The following CRB1 variants were observed in gnomAD, a reference collection of about 807,000 sequenced individuals.
CRB1 encodes the protein crumbs cell polarity complex component 1, also known as protein crumbs homolog 1.
A neutral mutation model predicts 120.0 loss-of-function variants in CRB1; 83 were observed. The ratio of observed to expected loss-of-function variants is 0.69; its 90% confidence interval spans 0.58 to 0.83. The LOEUF (loss-of-function observed/expected upper bound fraction) is 0.83. Ranked by LOEUF, CRB1 falls within the 40% of genes least tolerant of loss-of-function variation. The probability of loss-of-function intolerance (pLI) is 0.00; values close to 1 mark genes in which losing one functional copy is unlikely to be tolerated. For missense variants in CRB1, 1,699 were observed against 1,687.6 expected, an observed-to-expected ratio of 1.01 and a Z score of -0.12; for synonymous variants, 625 against 612.5, an observed-to-expected ratio of 1.02 and a Z score of -0.30.
At position 197,387,640 on chromosome 1, in the gene CRB1, G is replaced by A. The variant is rs373952234; in HGVS notation, c.1171+30627G>A. ...GAACCTTCAGTTAAAGGAAATGAAT[G>A]ATTATTTTATTTAATTTTATCCATT... is the stretch of plus-strand genomic sequence containing the variant. On this transcript the variant is annotated intron_variant, in intron 5 of 11. Transcript: ENST00000367400. Among the ~76,000 whole-genome samples, 7 of 151,944 alleles carry A rather than the reference G, an allele frequency of 4.6e-5. No homozygotes were observed. The East Asian group carries it at 1.4e-3, about 29-fold the overall frequency.
chr1:197,325,367 A>G (rs1345422930), intron 1 of CRB1, among the ~76,000 whole-genome samples: 2 of 152,240 alleles, frequency 1.3e-5, no homozygotes, highest in Non-Finnish European at 2.9e-5. Flanking sequence ...CATTCTGATT[A>G]CATTTCATTA....
chr1:197,451,113 C>G (rs1489041192), intron 11 of CRB1, among the ~76,000 whole-genome samples: 1 of 152,062 alleles, frequency 6.6e-6, no homozygotes, highest in Non-Finnish European at 1.5e-5. Context: ...GACTCCCATC[C>G]CTGGAAACAT....
chr1:197,290,758 A>G (rs757600734), intron 1 of CRB1, among the ~76,000 whole-genome samples: 3 of 151,800 alleles, frequency 2.0e-5, no homozygotes, highest in Admixed American at 6.6e-5. Context: ...AAGTTTATGT[A>G]CATTTGCCCT....
At chr1:197,227,813 C>T in the CRB1 span, among the ~76,000 whole-genome samples, 5 of 152,186 alleles carry the variant, frequency 3.3e-5, no homozygotes, top group Admixed American at 3.3e-4. Context: ...TCCATGAGGG[C>T]CCCGCTCCTG....
At chr1:197,232,294 T>G in the CRB1 span, among the ~76,000 whole-genome samples, 5 of 152,230 alleles carry the variant, frequency 3.3e-5, no homozygotes, top group Non-Finnish European at 5.9e-5. Context: ...TTTAGGCTAC[T>G]GTGTGTGGTA....
In CRB1 at chr1:197,278,262, A is replaced by G. The variant is rs542719819; in HGVS notation, c.70+9780A>G. 1.6e-4 allele frequency among the ~76,000 whole-genome samples: 25 copies of G among 151,994 alleles called. No homozygotes were observed. In the South Asian group the frequency reaches 5.0e-3, roughly 30 times the overall value. Reference sequence around the variant, plus strand: ...CTCCAAGAAATTCCTTACTCCTTCCACCATGTGAGGACATATGGAGAAGAT... The same window carrying G: ...CTCCAAGAAATTCCTTACTCCTTCCGCCATGTGAGGACATATGGAGAAGAT... On this transcript the variant is annotated intron_variant, in intron 1 of 11. Transcript: ENST00000367400.
rs759022743 is a variant in CRB1 at position 197,435,500 on chromosome 1, G to C, written c.3637G>C (p.Val1213Leu). ...EPGYTGVNCE[V>L]DIDNCQSHQC... ...TGGATACACTGGTGTGAACTGTGAAGTGGATATAGACAACTGCCAGAGTCA... is the reference window on the plus strand; with the variant it reads ...TGGATACACTGGTGTGAACTGTGAACTGGATATAGACAACTGCCAGAGTCA... Residue 1213 changes from valine to leucine, a missense_variant, in exon 9 of 12, where the codon GTG (valine) becomes CTG (leucine). Physicochemically the swap from Val to Leu is conservative, Grantham distance 32. Coordinates refer to ENST00000367400, the MANE Select transcript of CRB1 (RefSeq NM_201253.3). 14 of 1,609,860 alleles carry C rather than the reference G, an allele frequency of 8.7e-6. No individual in the cohort carries two copies. The highest frequency in any genetic ancestry group is 1.2e-5 in the Non-Finnish European group (14 of 1,178,060).
intron 11 of CRB1, among the ~76,000 whole-genome samples, chr1:197,455,043 T>C (rs1375551779): frequency 1.3e-5 from 2 of 152,170 alleles, no homozygotes; most frequent in Admixed American, 1.3e-4. Context: ...TATGACAAGG[T>C]TGGCCATATT....
the CRB1 span, among the ~76,000 whole-genome samples, chr1:197,228,321 G>A: frequency 6.6e-6 from 1 of 152,136 alleles, no homozygotes; most frequent in Non-Finnish European, 1.5e-5. Context: ...GAAATGAAAA[G>A]CTTTAACAGC....
At chr1:197,419,152 T>C (rs1664155471) in intron 5 of CRB1, among the ~76,000 whole-genome samples, 1 of 152,126 alleles carries the variant, frequency 6.6e-6, no homozygotes, top group African/African-American at 2.4e-5. Context: ...AGGAAACAAA[T>C]ATAGAAAGTA....
chr1:197,303,120 T>C (rs1656966637), intron 1 of CRB1, among the ~76,000 whole-genome samples: 2 of 151,646 alleles, frequency 1.3e-5, no homozygotes, highest in Non-Finnish European at 2.9e-5. Flanking sequence ...TATTTATTTA[T>C]TTATTTATTT....
chr1:197,293,491 G>T (rs1053257257), intron 1 of CRB1, among the ~76,000 whole-genome samples: 5 of 152,010 alleles, frequency 3.3e-5, no homozygotes, highest in African/African-American at 1.2e-4. Context: ...TACTGCCTAA[G>T]GTAATTTATA....
chr1:197,456,451 G>A (rs754266346), intron 11 of CRB1, among the ~76,000 whole-genome samples: 5 of 152,042 alleles, frequency 3.3e-5, no homozygotes, highest in Non-Finnish European at 7.4e-5. Flanking sequence ...AAATTAAGAT[G>A]AAAATGATAG....
the CRB1 span, among the ~76,000 whole-genome samples, chr1:197,261,783 G>A: frequency 1.3e-5 from 2 of 152,086 alleles, no homozygotes; most frequent in African/African-American, 4.8e-5. Context: ...TAAGAGCATT[G>A]GAATAAGCAA....
intron 1 of CRB1, among the ~76,000 whole-genome samples, chr1:197,286,397 T>C (rs1655828773): frequency 6.6e-6 from 1 of 151,902 alleles, no homozygotes; most frequent in African/African-American, 2.4e-5. Context: ...ATTTGACAAG[T>C]TGGCAAAGTA....
At chr1:197,211,289 C>T in the CRB1 span, among the ~76,000 whole-genome samples, 1 of 152,212 alleles carries the variant, frequency 6.6e-6, no homozygotes, top group Non-Finnish European at 1.5e-5. Context: ...TAACCACCAC[C>T]TCTAAAACAG....
chr1:197,421,721 T>C lies in CRB1; in HGVS notation c.1893T>C (p.Tyr631=), dbSNP rs1571525390. 6.2e-7 allele frequency: 1 copy of C among 1,614,052 alleles called. No individual in the cohort carries two copies. Among genetic ancestry groups the C allele is most frequent in the African/African-American group, 1.3e-5 (1 of 74,940 alleles). The part of the protein sequence containing the change: ...TSNGVALLNF[Y]NMPSTPSFVG... ...ATGGTGTTGCTCTGCTTAACTTCTA[T>C]AATATGCCATCCACACCTTCGTTTG... The change falls in exon 6 of 12, where the codon TAT becomes TAC. Residue 631 remains tyrosine, a synonymous_variant. Coordinates refer to ENST00000367400, the MANE Select transcript of CRB1 (RefSeq NM_201253.3).
chr1:197,416,503 G>A (rs181180044), intron 5 of CRB1, among the ~76,000 whole-genome samples: 16 of 152,086 alleles, frequency 1.1e-4, no homozygotes, highest in Admixed American at 6.5e-4. Context: ...TGTAGTCTGA[G>A]AGTACTCTGA....
At chr1:197,256,709 C>T in the CRB1 span, among the ~76,000 whole-genome samples, 1 of 151,844 alleles carries the variant, frequency 6.6e-6, no homozygotes, top group South Asian at 2.1e-4. Flanking sequence ...TTCTACTTCT[C>T]TCTAGCTCAC....
Sources: allele counts gnomAD v4.1 joint callset (sites outside exome capture counted in the v4.1 genomes callset), GRCh38; gene constraint gnomAD v4.1.1; transcripts MANE v1.5; gene names NCBI Gene and HGNC (gene_info 2026-07-23, HGNC 2026-07-21).